The following DLG2 variants were observed in gnomAD, a reference collection of about 807,000 sequenced individuals.
The protein encoded by DLG2 is discs large MAGUK scaffold protein 2.
Under a neutral mutation model 132.5 loss-of-function variants are expected in DLG2, and 45 were observed. The observed-to-expected ratio is 0.34, with a 90% confidence interval of 0.27 to 0.44. DLG2 has a LOEUF of 0.44. Ranked by LOEUF, DLG2 falls within the 20% of genes least tolerant of loss-of-function variation. The pLI is 1.00. For missense variants in DLG2, 1,045 were observed against 1,196.9 expected, an observed-to-expected ratio of 0.87 and a Z score of 1.87; for synonymous variants, 424 against 419.6, an observed-to-expected ratio of 1.01 and a Z score of -0.13.
intron 18 of DLG2, among the ~76,000 whole-genome samples, chr11:83,776,115 A>C (rs1245197226): frequency 6.8e-6 from 1 of 146,866 alleles, no homozygotes; most frequent in African/African-American, 2.7e-5. Context: ...TAAATAAAAT[A>C]AATAAATAAA....
chr11:84,385,299 C>T (rs2098765355), intron 7 of DLG2, among the ~76,000 whole-genome samples: 1 of 152,020 alleles, frequency 6.6e-6, no homozygotes, highest in African/African-American at 2.4e-5. Flanking sequence ...TGCTACAAGT[C>T]ACAGCCCCAA....
intron 18 of DLG2, among the ~76,000 whole-genome samples, chr11:83,767,823 A>G (rs2094208159): frequency 6.6e-6 from 1 of 152,164 alleles, no homozygotes; most frequent in Non-Finnish European, 1.5e-5. Context: ...TATTATTATA[A>G]CTTGTCCATC....
intron 3 of DLG2, among the ~76,000 whole-genome samples, chr11:85,370,320 T>C (rs969377072): frequency 6.6e-6 from 1 of 152,172 alleles, no homozygotes; most frequent in African/African-American, 2.4e-5. Flanking sequence ...GGCATGGAAA[T>C]GTAAACTTTT....
chr11:85,139,354 G>A (rs2076317676), intron 5 of DLG2, among the ~76,000 whole-genome samples: 2 of 152,040 alleles, frequency 1.3e-5, no homozygotes, highest in South Asian at 4.1e-4. Context: ...AAAAGTATAT[G>A]GCTAGAATCA....
intron 6 of DLG2, among the ~76,000 whole-genome samples, chr11:84,696,293 C>T (rs28372562): frequency 0.083 from 12,547 of 151,414 alleles, 609 homozygotes; most frequent in African/African-American, 0.12. Flanking sequence ...TTATGTATGT[C>T]GTCTAATTTA....
intron 8 of DLG2, among the ~76,000 whole-genome samples, chr11:84,210,264 C>A (rs183007319): frequency 1.5e-4 from 23 of 151,478 alleles, no homozygotes; most frequent in Non-Finnish European, 2.9e-4. Flanking sequence ...GCCTGGGTGA[C>A]AGAGTGATAC....
intron 19 of DLG2, among the ~76,000 whole-genome samples, chr11:83,583,681 C>T (rs969597899): frequency 6.6e-6 from 1 of 152,208 alleles, no homozygotes; most frequent in East Asian, 1.9e-4. Flanking sequence ...CTCAGTTCTT[C>T]TTCTGGACGA....
chr11:84,179,541 C>T (rs1285402661), intron 8 of DLG2, among the ~76,000 whole-genome samples: 1 of 152,150 alleles, frequency 6.6e-6, no homozygotes, highest in Non-Finnish European at 1.5e-5. Flanking sequence ...CCAGAGGGAA[C>T]AGTCACAGGG....
intron 6 of DLG2, among the ~76,000 whole-genome samples, chr11:85,033,518 T>C (rs1196746722): frequency 6.6e-6 from 1 of 152,228 alleles, no homozygotes; most frequent in Non-Finnish European, 1.5e-5. Flanking sequence ...TTGAGATTTA[T>C]CTCATCGCCA....
At chr11:83,518,316 A>G (rs11233655) in intron 21 of DLG2, among the ~76,000 whole-genome samples, 53,598 of 152,014 alleles carry the variant, frequency 0.35, 9,547 homozygotes, top group Middle Eastern at 0.46. Context: ...AGAACCCTCC[A>G]AGCCAGGCGC....
chr11:84,805,403 A>T (rs2033501073), intron 6 of DLG2, among the ~76,000 whole-genome samples: 3 of 152,020 alleles, frequency 2.0e-5, no homozygotes, highest in Admixed American at 2.0e-4. Flanking sequence ...AAAATAGAGA[A>T]TCAATAAATG....
intron 11 of DLG2, among the ~76,000 whole-genome samples, chr11:84,053,464 G>T (rs1223203880): frequency 6.6e-6 from 1 of 151,818 alleles, no homozygotes; most frequent in Non-Finnish European, 1.5e-5. Flanking sequence ...ACCTCTCATA[G>T]TATTTTATAT....
chr11:84,920,634 T>C (rs2092708494), intron 6 of DLG2, among the ~76,000 whole-genome samples: 1 of 152,144 alleles, frequency 6.6e-6, no homozygotes, highest in Admixed American at 6.6e-5. Context: ...AGTGCATAAA[T>C]CATAGATGTC....
chr11:85,581,927 G>A (rs555039949), intron 3 of DLG2, among the ~76,000 whole-genome samples: 87 of 152,280 alleles, frequency 5.7e-4, no homozygotes, highest in Non-Finnish European at 1.1e-3. Context: ...AAGAATGTAC[G>A]AAAATGTTCC....
At chr11:83,714,981 G>GT (rs2086353871) in intron 18 of DLG2, among the ~76,000 whole-genome samples, 1 of 152,114 alleles carries the variant, frequency 6.6e-6, no homozygotes, top group South Asian at 2.1e-4. Context: ...TTGCAGCACT[G>GT]TTCACATTAG....
At chr11:83,956,807 G>C (rs2086983827) in intron 14 of DLG2, among the ~76,000 whole-genome samples, 1 of 152,192 alleles carries the variant, frequency 6.6e-6, no homozygotes, top group Non-Finnish European at 1.5e-5. Flanking sequence ...TCGAGAGCTT[G>C]TTCCTAATGG....
chr11:84,979,037 C>A (rs2055340440), intron 6 of DLG2, among the ~76,000 whole-genome samples: 1 of 152,166 alleles, frequency 6.6e-6, no homozygotes, highest in Non-Finnish European at 1.5e-5. Context: ...GACATTTATG[C>A]AGCCAACAGA....
intron 7 of DLG2, among the ~76,000 whole-genome samples, chr11:84,506,751 G>C (rs777057702): frequency 6.6e-6 from 1 of 152,114 alleles, no homozygotes; most frequent in Non-Finnish European, 1.5e-5. Context: ...GGGTATTATA[G>C]AGCGAATAAT....
chr11:83,652,736 C>A (rs1269253686), intron 18 of DLG2, among the ~76,000 whole-genome samples: 2 of 152,110 alleles, frequency 1.3e-5, no homozygotes, highest in African/African-American at 2.4e-5. Context: ...ATTAATGACA[C>A]CTGAGGGTAG....
Sources: gnomAD v4.1 joint callset for allele counts (sites outside exome capture counted in the v4.1 genomes callset) on GRCh38, gnomAD v4.1.1 for gene constraint, MANE v1.5 for transcripts, NCBI Gene and HGNC (gene_info 2026-07-23, HGNC 2026-07-21) for gene names.